SAAL1: variants seen among roughly 807,000 people sequenced by gnomAD.
SAAL1 encodes the protein serum amyloid A like 1, also known as protein SAAL1.
SAAL1 carries 42 observed loss-of-function variants against 59.8 expected under a neutral mutation model. The observed-to-expected ratio is 0.70, with a 90% CI of 0.55 to 0.91. The LOEUF is 0.91. Among genes scored for constraint, SAAL1 ranks in the 40% least tolerant of loss-of-function variants. SAAL1 has a pLI of 0.00. For missense variants in SAAL1, 542 were observed against 561.1 expected (o/e 0.97, Z 0.34); for synonymous variants, 191 against 194.3 (o/e 0.98, Z 0.14).
intron 2 of SAAL1, among the ~76,000 whole-genome samples, chr11:18,099,448 T>C (rs1239608656): frequency 6.6e-6 from 1 of 152,110 alleles, no homozygotes; most frequent in Non-Finnish European, 1.5e-5. Flanking sequence ...TCTAAAGAAA[T>C]GAACAAACAA....
In SAAL1 at chr11:18,082,159, T is replaced by C. The variant is rs143725880; in HGVS notation, c.1240-656A>G. Among the ~76,000 whole-genome samples, 212 of 152,234 alleles carry C rather than the reference T, an allele frequency of 1.4e-3. 1 individual carries two copies. The highest frequency in any genetic ancestry group is 6.8e-3 in the Middle Eastern group (2 of 294). ...CCCACCACTTAAAAGTTAAGAAATA[T>C]CGATGTCCCTTGCTCCAAAAAACAG... is the stretch of plus-strand genomic sequence containing the variant. On this transcript the variant is annotated intron_variant, in intron 10 of 11. Transcript: ENST00000524803.
chr11:18,102,096 C>T (rs1358008103), intron 2 of SAAL1, among the ~76,000 whole-genome samples: 4 of 152,156 alleles, frequency 2.6e-5, no homozygotes, highest in African/African-American at 7.2e-5. Flanking sequence ...GCTTAATCTG[C>T]GTACACATCC....
Position 18,103,233 on chromosome 11 carries a change from C to G in SAAL1, c.249G>C (p.Glu83Asp). The G allele has an allele frequency of 6.3e-7, 1 of 1,594,336 alleles. No homozygotes were observed. The highest frequency in any genetic ancestry group is 8.6e-7 in the Non-Finnish European group (1 of 1,162,202). The change falls in exon 2 of 12, where the codon GAG becomes GAC. Residue 83 changes from glutamate (E) to aspartate (D), a missense_variant and splice_region_variant. Transcript: ENST00000524803. ...CAGAGTTTTGTTTCCAGCCTCATAC[C>G]TCATCCATTGACATATCCCATACTC... ...ICRVWDMSMD[E>D]DVALFLQEFN...
chr11:18,089,439 A>G lies in SAAL1; in HGVS notation c.661T>C (p.Trp221Arg). ...FDLDEKLMLE[W>R]VRNGAAQPLD... ...GGCTGAGCAGCCCCATTTCTGACCC[A>G]TTCTAACATTAGTTTCTCATCCAAA... Residue 221 changes from tryptophan (W) to arginine (R), a missense_variant, in exon 7 of 12, where the codon TGG becomes CGG. By Grantham distance (101) the Trp-to-Arg change is moderately radical. Coordinates refer to ENST00000524803, the MANE Select transcript of SAAL1 (RefSeq NM_138421.3). 6.2e-7 allele frequency: 1 copy of G among 1,612,858 alleles called. No individual in the cohort carries two copies. The highest frequency in any genetic ancestry group is 8.5e-7 in the Non-Finnish European group (1 of 1,179,590).
At chr11:18,103,057 A>G (rs959235674) in intron 2 of SAAL1, among the ~76,000 whole-genome samples, 176 bp downstream of exon 2, 48 of 152,196 alleles carry the variant, frequency 3.2e-4, no homozygotes, top group Non-Finnish European at 2.9e-5. Flanking sequence ...CCAGCCTCAA[A>G]GACAGAAGTT....
intron 3 of SAAL1, among the ~76,000 whole-genome samples, chr11:18,093,429 C>T (rs1848542284): frequency 6.6e-6 from 1 of 152,020 alleles, no homozygotes; most frequent in African/African-American, 2.4e-5. Context: ...CAGTACTATC[C>T]TCGGTTTTAG....
intron 1 of SAAL1, 58 bp from the exon 2 acceptor site, chr11:18,103,404 T>C (rs1848654781): frequency 1.7e-6 from 2 of 1,204,648 alleles, no homozygotes; most frequent in East Asian, 2.3e-5. Context: ...ACTAACCAGG[T>C]ACCCAAATAC....
intron 1 of SAAL1, among the ~76,000 whole-genome samples, chr11:18,103,680 G>A (rs1204702959): frequency 6.6e-6 from 1 of 152,204 alleles, no homozygotes; most frequent in Non-Finnish European, 1.5e-5. Flanking sequence ...CTTGCACCTT[G>A]AACTGCTGGT....
intron 2 of SAAL1, among the ~76,000 whole-genome samples, chr11:18,097,685 G>T (rs1055758221): frequency 1.3e-5 from 2 of 151,858 alleles, no homozygotes; most frequent in African/African-American, 4.8e-5. Context: ...CAAAAAATAC[G>T]AAAATTAGCC....
intron 2 of SAAL1, among the ~76,000 whole-genome samples, chr11:18,099,712 AGAG>A (rs1214282607): frequency 8.1e-6 from 1 of 123,412 alleles, no homozygotes; most frequent in Admixed American, 7.4e-5. Flanking sequence ...GTGGCATCAC[AGAG>A]GAGGTGACAT....
At chr11:18,087,260 C>T (rs754247430) in intron 7 of SAAL1, 35 bp from the exon 8 acceptor site, 4 of 1,323,768 alleles carry the variant, frequency 3.0e-6, no homozygotes, top group African/African-American at 1.4e-5. Context: ...GAATCAACAA[C>T]TTTACTGTCC....
At chr11:18,091,722 T>C (rs940001039) in intron 4 of SAAL1, among the ~76,000 whole-genome samples, 2 of 152,200 alleles carry the variant, frequency 1.3e-5, no homozygotes, top group African/African-American at 4.8e-5. Flanking sequence ...GTTTCCTCCA[T>C]TAAAACACCT....
At position 18,084,180 on chromosome 11, in the gene SAAL1, T is replaced by C. The variant is rs377678027; in HGVS notation, c.1043-449A>G. Among the ~76,000 whole-genome samples the C allele has an allele frequency of 6.3e-4, 96 of 152,214 alleles. 2 individuals carry two copies. In the South Asian group the frequency reaches 0.019, roughly 31 times the overall value. The stretch of plus-strand genomic sequence containing the variant: ...GGTGAAACCGTGTCTTTACAAAAAG[T>C]ACAAAAAAATTAGCTCACAGGATTT... On this transcript the variant is annotated intron_variant, in intron 9 of 11. Coordinates refer to ENST00000524803, the MANE Select transcript of SAAL1 (RefSeq NM_138421.3).
At chr11:18,081,045 T>A (rs1006873672) in intron 11 of SAAL1, among the ~76,000 whole-genome samples, 6 of 152,134 alleles carry the variant, frequency 3.9e-5, no homozygotes, top group Admixed American at 1.3e-4. Context: ...GTTATAAAGG[T>A]ATATTACATG....
At position 18,086,985 on chromosome 11, in the gene SAAL1, T is replaced by C. The variant is rs200374853; in HGVS notation, c.923A>G (p.Gln308Arg). The C allele has an allele frequency of 8.0e-5, 129 of 1,613,990 alleles. No individual in the cohort carries two copies. The highest frequency in any genetic ancestry group is 1.1e-4 in the Non-Finnish European group (125 of 1,179,830). ...AAGAATGATGGGTGGATCATCAGAC[T>C]GGCAGAATTCATGGCAGACCAGGTC... ...LFDLVCHEFC[Q>R]SDDPPIILQE... is the part of the protein sequence containing the mutation. The change falls in exon 9 of 12, where the codon CAG becomes CGG. Residue 308 changes from glutamine to arginine, a missense_variant. Coordinates refer to ENST00000524803, the MANE Select transcript of SAAL1 (RefSeq NM_138421.3).
At chr11:18,086,448 C>T (rs1354941300) in intron 9 of SAAL1, among the ~76,000 whole-genome samples, 1 of 152,088 alleles carries the variant, frequency 6.6e-6, no homozygotes, top group African/African-American at 2.4e-5. Context: ...CCTGTAATCC[C>T]AGCACTTTGG....
intron 9 of SAAL1, among the ~76,000 whole-genome samples, chr11:18,086,002 A>G (rs746183303): frequency 1.1e-4 from 17 of 152,248 alleles, no homozygotes; most frequent in Non-Finnish European, 2.1e-4. Flanking sequence ...ATATAGGAAA[A>G]TATTCATTTT....
Position 18,089,438 on chromosome 11 carries a change from C to A in SAAL1, c.662G>T (p.Trp221Leu). ...AGGCTGAGCAGCCCCATTTCTGACC[C>A]ATTCTAACATTAGTTTCTCATCCAA... ...FDLDEKLMLE[W>L]VRNGAAQPLD... Residue 221 changes from tryptophan (W) to leucine (L), a missense_variant, in exon 7 of 12, where the codon TGG becomes TTG. Coordinates refer to ENST00000524803, the MANE Select transcript of SAAL1 (RefSeq NM_138421.3). 1 of 1,612,670 alleles carries A rather than the reference C, an allele frequency of 6.2e-7. No individual in the cohort carries two copies. Among genetic ancestry groups the A allele is most frequent in the Non-Finnish European group, 8.5e-7 (1 of 1,179,538 alleles).
intron 7 of SAAL1, among the ~76,000 whole-genome samples, chr11:18,087,461 T>TA (rs373723149): frequency 1.9e-4 from 29 of 152,234 alleles, no homozygotes; most frequent in African/African-American, 6.5e-4. Context: ...GGACAAGAAG[T>TA]AAAAAAACTT....
Sources: allele counts gnomAD v4.1 joint callset (sites outside exome capture counted in the v4.1 genomes callset), GRCh38; gene constraint gnomAD v4.1.1; transcripts MANE v1.5; gene names NCBI Gene and HGNC (gene_info 2026-07-23, HGNC 2026-07-21).